RPTOR: variants seen among roughly 807,000 people sequenced by gnomAD.
RPTOR encodes regulatory-associated protein of mTOR.
In RPTOR, 21 loss-of-function variants were observed where a neutral mutation model predicts 169.9. The ratio of observed to expected loss-of-function variants is 0.12; its 90% CI spans 0.09 to 0.18. The LOEUF (loss-of-function observed/expected upper bound fraction) is 0.18. RPTOR is among the 10% of genes least tolerant of loss of function. The pLI is 1.00. For missense variants in RPTOR, 1,133 were observed against 1,855.9 expected, an observed-to-expected ratio of 0.61 and a Z score of 7.16; for synonymous variants, 732 against 753.2, an observed-to-expected ratio of 0.97 and a Z score of 0.46.
intron 5 of RPTOR, among the ~76,000 whole-genome samples, chr17:80,733,235 C>T (rs926842417): frequency 4.6e-5 from 7 of 152,034 alleles, no homozygotes; most frequent in African/African-American, 9.7e-5. Context: ...CCATCAGAGC[C>T]GGAAAATGAC....
intron 7 of RPTOR, among the ~76,000 whole-genome samples, chr17:80,807,437 ACCTCCCAGG>A (rs1473649830): frequency 1.3e-5 from 2 of 151,490 alleles, no homozygotes; most frequent in Non-Finnish European, 2.9e-5. Flanking sequence ...TGCAACCTCC[ACCTCCCAGG>A]TTCAAGTGAT....
intron 33 of RPTOR, 52 bp from the exon 34 acceptor site, chr17:80,964,209 CG>C: frequency 7.5e-7 from 1 of 1,325,552 alleles, no homozygotes; most frequent in Non-Finnish European, 1.1e-6. Flanking sequence ...CCCCGCCCCC[CG>C]CAGTGTCTGC....
chr17:80,665,576 G>C (rs974205372), intron 3 of RPTOR, among the ~76,000 whole-genome samples: 1 of 139,914 alleles, frequency 7.1e-6, no homozygotes, highest in Admixed American at 8.0e-5. Context: ...ACAGAGTCTC[G>C]TTCTGTCACC....
chr17:80,621,449 A>T (rs1599608379), intron 1 of RPTOR, among the ~76,000 whole-genome samples: 2 of 152,338 alleles, frequency 1.3e-5, no homozygotes, highest in East Asian at 3.9e-4. Context: ...GGTGTTGGGA[A>T]TGCCGTATCA....
In RPTOR at chr17:80,545,599, GC is replaced by G. The variant is rs1444917760; in HGVS notation, c.-29del. 1 of 1,564,146 alleles carries G rather than the reference GC, an allele frequency of 6.4e-7. No homozygotes were observed. On this transcript the variant is annotated 5_prime_UTR_variant, in exon 1 of 34. Transcript: ENST00000306801. Reference sequence around the variant, plus strand: ...GGCTGGAGGTTCTCGAGCGCTTGCTGCCAAGGACTCCCCCACCCCCTCCCCC... The same window carrying G: ...GGCTGGAGGTTCTCGAGCGCTTGCTGCAAGGACTCCCCCACCCCCTCCCCC...
intron 24 of RPTOR, among the ~76,000 whole-genome samples, chr17:80,939,802 G>A (rs1373560686): frequency 6.6e-6 from 1 of 152,218 alleles, no homozygotes; most frequent in Admixed American, 6.5e-5. Flanking sequence ...TTCAGTGTTT[G>A]AAGCGGCATT....
intron 14 of RPTOR, among the ~76,000 whole-genome samples, chr17:80,881,761 G>A (rs2143833537): frequency 6.6e-6 from 1 of 152,352 alleles, no homozygotes; most frequent in African/African-American, 2.4e-5. Flanking sequence ...AGTCAAGGCT[G>A]CAATGAGCTG....
chr17:80,853,905 C>T (rs1189588413), intron 11 of RPTOR, among the ~76,000 whole-genome samples: 4 of 151,554 alleles, frequency 2.6e-5, no homozygotes, highest in Non-Finnish European at 4.4e-5. Flanking sequence ...GGCATGAACC[C>T]GGGAGGTGGA....
rs546782736 is a variant in RPTOR, at chr17:80,671,897, G to C, written c.348+28087G>C. Among the ~76,000 whole-genome samples, 8 of 152,354 alleles carry C rather than the reference G, an allele frequency of 5.3e-5. No individual in the cohort carries two copies. In the East Asian group the frequency reaches 1.5e-3, roughly 29 times the overall value. ...TTTGAAGGAGGCAATTATTGTCATT[G>C]TTTAATATATAACTGGAGGCTTAAT... On this transcript the variant is annotated intron_variant, in intron 3 of 33. Transcript: ENST00000306801.
intron 6 of RPTOR, chr17:80,774,253 C>T (rs746575786): frequency 3.6e-5 from 35 of 985,308 alleles, no homozygotes; most frequent in Non-Finnish European, 4.0e-5. Context: ...TGATGATGCT[C>T]ACGCTCCGGT....
chr17:80,765,365 C>T (rs1288882278), intron 6 of RPTOR, among the ~76,000 whole-genome samples: 1 of 152,206 alleles, frequency 6.6e-6, no homozygotes, highest in Non-Finnish European at 1.5e-5. Flanking sequence ...TTTGCACCGT[C>T]CAGGTCAAAG....
intron 21 of RPTOR, among the ~76,000 whole-genome samples, chr17:80,921,189 A>G (rs1378732424): frequency 6.6e-6 from 1 of 152,230 alleles, no homozygotes; most frequent in African/African-American, 2.4e-5. Flanking sequence ...AGCATGAGAC[A>G]TTGCAGGCTC....
intron 1 of RPTOR, among the ~76,000 whole-genome samples, chr17:80,620,926 G>A (rs938403878): frequency 2.0e-5 from 3 of 152,216 alleles, no homozygotes; most frequent in Non-Finnish European, 2.9e-5. Flanking sequence ...GAGCTAACAC[G>A]TTGTTCTAGT....
chr17:80,741,627 T>A (rs1248339473), intron 5 of RPTOR, among the ~76,000 whole-genome samples: 1 of 152,122 alleles, frequency 6.6e-6, no homozygotes, highest in East Asian at 1.9e-4. Context: ...ATCAGAGATG[T>A]TTGTTCAGCA....
At chr17:80,884,929 C>T (rs1293705750) in intron 16 of RPTOR, 79 bp from the exon 17 acceptor site, 2 of 1,522,208 alleles carry the variant, frequency 1.3e-6, no homozygotes, top group East Asian at 2.4e-5. Context: ...GATTCACCTG[C>T]ACACACAGCC....
At chr17:80,608,735 C>T (rs1489244056) in intron 1 of RPTOR, among the ~76,000 whole-genome samples, 1 of 152,202 alleles carries the variant, frequency 6.6e-6, no homozygotes, top group Non-Finnish European at 1.5e-5. Context: ...GGTGATGGTG[C>T]GCTGAGGCCC....
At chr17:80,779,511 A>G (rs1011499110) in intron 6 of RPTOR, among the ~76,000 whole-genome samples, 10 of 152,198 alleles carry the variant, frequency 6.6e-5, no homozygotes, top group Non-Finnish European at 1.2e-4. Context: ...GGTGGGGGAT[A>G]AGATTCCGTC....
chr17:80,954,682 C>T (rs955771200), intron 28 of RPTOR, among the ~76,000 whole-genome samples: 16 of 152,110 alleles, frequency 1.1e-4, no homozygotes, highest in Non-Finnish European at 2.1e-4. Flanking sequence ...TCCCAGAAGC[C>T]GAGGCAGATG....
chr17:80,634,249 TGTATGCGTGCATACC>T (rs2065468070), intron 2 of RPTOR, among the ~76,000 whole-genome samples: 2 of 116,816 alleles, frequency 1.7e-5, no homozygotes, highest in Non-Finnish European at 3.6e-5. Context: ...GCGTGCATAC[TGTATGCGTGCATACC>T]GTGTGTGTGC....
Sources: gnomAD v4.1 joint callset for allele counts (sites outside exome capture counted in the v4.1 genomes callset) on GRCh38, gnomAD v4.1.1 for gene constraint, MANE v1.5 for transcripts, NCBI Gene and HGNC (gene_info 2026-07-23, HGNC 2026-07-21) for gene names.